The following NRXN1 variants were observed in gnomAD, a reference collection of about 807,000 sequenced individuals.
The protein encoded by NRXN1 is neurexin 1, also known as neurexin-1.
Under a neutral mutation model 150.9 loss-of-function variants are expected in NRXN1, and 39 were observed. The observed-to-expected ratio is 0.26, with a 90% CI of 0.20 to 0.34. The LOEUF is 0.34. NRXN1 is among the 10% of genes least tolerant of loss of function. NRXN1 has a pLI of 1.00. For synonymous variants in NRXN1, 924 were observed against 757.0 expected, an observed-to-expected ratio of 1.22 and a Z score of -3.62; for missense variants, 1,815 against 1,949.9, an observed-to-expected ratio of 0.93 and a Z score of 1.30.
chr2:50,297,832 A>G (rs1288034823), intron 17 of NRXN1, among the ~76,000 whole-genome samples: 1 of 152,186 alleles, frequency 6.6e-6, no homozygotes, highest in African/African-American at 2.4e-5. Context: ...CCAAAGAGAT[A>G]ATTTTAAAAT....
At chr2:50,775,553 T>C (rs926304100) in intron 5 of NRXN1, among the ~76,000 whole-genome samples, 10 of 152,170 alleles carry the variant, frequency 6.6e-5, no homozygotes, top group African/African-American at 2.4e-4. Flanking sequence ...TGTTTATGAC[T>C]TTGCAGATAA....
chr2:50,907,791 C>T (rs1226776719), intron 5 of NRXN1, among the ~76,000 whole-genome samples: 2 of 152,068 alleles, frequency 1.3e-5, no homozygotes, highest in Non-Finnish European at 2.9e-5. Flanking sequence ...AACAGAAATG[C>T]ACCATTGATG....
chr2:50,180,647 G>A (rs564352182), intron 18 of NRXN1, among the ~76,000 whole-genome samples: 2 of 152,150 alleles, frequency 1.3e-5, no homozygotes, highest in South Asian at 2.1e-4. Context: ...TACAGCACTC[G>A]AGGCCCCATC....
At chr2:50,966,199 G>T (rs1207214850) in intron 2 of NRXN1, among the ~76,000 whole-genome samples, 1 of 151,506 alleles carries the variant, frequency 6.6e-6, no homozygotes, top group Non-Finnish European at 1.5e-5. Flanking sequence ...AAAGTACTTA[G>T]TATCTTACAT....
intron 18 of NRXN1, among the ~76,000 whole-genome samples, chr2:50,202,073 G>A (rs1214788109): frequency 6.6e-6 from 1 of 152,110 alleles, no homozygotes; most frequent in Non-Finnish European, 1.5e-5. Flanking sequence ...GTTAAAGGGG[G>A]AAACACATTT....
At chr2:50,062,234 A>C (rs985866925) in intron 19 of NRXN1, among the ~76,000 whole-genome samples, 1 of 152,048 alleles carries the variant, frequency 6.6e-6, no homozygotes, top group African/African-American at 2.4e-5. Flanking sequence ...TAGTGTCAGG[A>C]GGTAAAGCCT....
chr2:50,972,365 C>T (rs1695137936), intron 2 of NRXN1, among the ~76,000 whole-genome samples: 1 of 152,076 alleles, frequency 6.6e-6, no homozygotes, highest in Non-Finnish European at 1.5e-5. Flanking sequence ...TGCCACCAAT[C>T]TATATGCCAC....
intron 5 of NRXN1, among the ~76,000 whole-genome samples, chr2:50,721,008 A>G (rs1696570818): frequency 6.6e-6 from 1 of 152,156 alleles, no homozygotes; most frequent in Admixed American, 6.5e-5. Context: ...GGAGTCAGAG[A>G]TTCTCCTTGT....
At chr2:50,116,152 G>GT (rs150848987) in intron 18 of NRXN1, among the ~76,000 whole-genome samples, 1 of 151,898 alleles carries the variant, frequency 6.6e-6, no homozygotes, top group East Asian at 1.9e-4. Flanking sequence ...TATAGCCGGA[G>GT]TTTTTTTAAA....
At chr2:50,370,702 G>A (rs955418462) in intron 17 of NRXN1, among the ~76,000 whole-genome samples, 2 of 152,080 alleles carry the variant, frequency 1.3e-5, no homozygotes, top group East Asian at 3.9e-4. Flanking sequence ...GGTGGAAGAG[G>A]AACAGAAAAA....
At chr2:50,363,754 G>A (rs1200659174) in intron 17 of NRXN1, among the ~76,000 whole-genome samples, 1 of 152,114 alleles carries the variant, frequency 6.6e-6, no homozygotes, top group Non-Finnish European at 1.5e-5. Flanking sequence ...TATACCCAAA[G>A]GATTATAAAT....
chr2:50,314,668 T>C (rs1208623017), intron 17 of NRXN1, among the ~76,000 whole-genome samples: 1 of 152,056 alleles, frequency 6.6e-6, no homozygotes, highest in Non-Finnish European at 1.5e-5. Context: ...TTTAGTAGCA[T>C]TGAAGTGCAA....
rs558937012 is a variant in NRXN1, at chr2:50,518,098, T to C, written c.2374+10527A>G. On this transcript the variant is annotated intron_variant, in intron 12 of 22. Coordinates refer to ENST00000401669, the MANE Select transcript of NRXN1 (RefSeq NM_001330078.2). Reference sequence around the variant, plus strand: ...AGGATAAATATCTCTTATGTAAATATATTTCAATGCGAAAAACATACATTT... The same window carrying C: ...AGGATAAATATCTCTTATGTAAATACATTTCAATGCGAAAAACATACATTT... Among the ~76,000 whole-genome samples the C allele has an allele frequency of 3.3e-5, 5 of 152,216 alleles. No individual in the cohort carries two copies. The South Asian group carries it at 8.3e-4, about 25-fold the overall frequency.
chr2:50,303,282 C>A (rs1715992), intron 17 of NRXN1, among the ~76,000 whole-genome samples: 116,137 of 152,128 alleles, frequency 0.76, 44,475 homozygotes, highest in East Asian at 0.87. Flanking sequence ...GGATACATAC[C>A]TCACAGGATA....
At chr2:50,669,668 T>C (rs1688558390) in intron 5 of NRXN1, among the ~76,000 whole-genome samples, 1 of 151,764 alleles carries the variant, frequency 6.6e-6, no homozygotes, top group South Asian at 2.1e-4. Flanking sequence ...CCATCCATCA[T>C]TAAATTTGTC....
intron 21 of NRXN1, among the ~76,000 whole-genome samples, chr2:49,988,815 C>T (rs1681416333): frequency 6.6e-6 from 1 of 152,084 alleles, no homozygotes; most frequent in Non-Finnish European, 1.5e-5. Context: ...CAATTATGTA[C>T]CATTACATAG....
At chr2:50,784,238 A>C (rs1227225939) in intron 5 of NRXN1, among the ~76,000 whole-genome samples, 1 of 152,094 alleles carries the variant, frequency 6.6e-6, no homozygotes, top group Admixed American at 6.6e-5. Flanking sequence ...TCGAGTCCTT[A>C]AGGAACTTTG....
intron 5 of NRXN1, among the ~76,000 whole-genome samples, chr2:50,796,190 G>C (rs1323692501): frequency 6.6e-6 from 1 of 152,154 alleles, no homozygotes; most frequent in African/African-American, 2.4e-5. Context: ...TGTTAAGCAT[G>C]TTCAAATACT....
Position 50,911,270 on chromosome 2 carries a change from C to A in NRXN1, c.832+10599G>T, listed in dbSNP as rs1684477342. ...GAGTAACACCTTGCTCTTGCAGTGA[C>A]AACATTACAATCTCGTGTTCTTGTC... On this transcript the variant is annotated intron_variant, in intron 5 of 22. Transcript: ENST00000401669. 2.0e-5 allele frequency among the ~76,000 whole-genome samples: 3 copies of A among 151,910 alleles called. No individual in the cohort carries two copies. In the South Asian group the frequency reaches 6.2e-4, roughly 31 times the overall value.
Sources: gnomAD v4.1 joint callset for allele counts (sites outside exome capture counted in the v4.1 genomes callset) on GRCh38, gnomAD v4.1.1 for gene constraint, MANE v1.5 for transcripts, NCBI Gene and HGNC (gene_info 2026-07-23, HGNC 2026-07-21) for gene names.